Variants in JPH2 observed in about 807,000 individuals in gnomAD.
The protein encoded by JPH2 is junctophilin-2.
Under a neutral mutation model 55.9 loss-of-function variants are expected in JPH2, and 38 were observed. The ratio of observed to expected loss-of-function variants is 0.68; its 90% CI spans 0.52 to 0.89. The LOEUF is 0.89. Among genes scored for constraint, JPH2 ranks in the 40% least tolerant of loss-of-function variants. The pLI is 0.00. For synonymous variants in JPH2, 480 were observed against 472.4 expected (o/e 1.02, Z -0.21); for missense variants, 964 against 1,037.6 (o/e 0.93, Z 0.97).
rs929163748 is a variant in JPH2 at position 44,106,869 on chromosome 20, G to A, written c.*6649C>T. ...GGTGGGAATTTAAGATGAGATTTGG[G>A]TGAGAACACAGCCAAACCATATCAC... On this transcript the variant is annotated 3_prime_UTR_variant, in exon 6 of 6. Coordinates refer to ENST00000372980, the MANE Select transcript of JPH2 (RefSeq NM_020433.5). Among the ~76,000 whole-genome samples, 5 of 152,110 alleles carry A rather than the reference G, an allele frequency of 3.3e-5. No individual in the cohort carries two copies. The highest frequency in any genetic ancestry group is 1.2e-4 in the African/African-American group (5 of 41,414).
chr20:44,148,934 G>A (rs2072511412), intron 2 of JPH2, among the ~76,000 whole-genome samples: 1 of 152,048 alleles, frequency 6.6e-6, no homozygotes. Flanking sequence ...GGGTGTGGTG[G>A]TGAGCGCCCA....
intron 1 of JPH2, among the ~76,000 whole-genome samples, chr20:44,166,807 C>T (rs1443129385): frequency 3.9e-5 from 6 of 152,176 alleles, no homozygotes; most frequent in Admixed American, 6.5e-5. Context: ...TGAGAGGGGC[C>T]GTCTGCAGAA....
At chr20:44,147,399 C>T (rs565024266) in intron 2 of JPH2, among the ~76,000 whole-genome samples, 3 of 152,324 alleles carry the variant, frequency 2.0e-5, no homozygotes, top group South Asian at 2.1e-4. Context: ...CTCCACACTA[C>T]GGACTAGCAT....
chr20:44,123,838 C>T (rs1362096433), intron 2 of JPH2, among the ~76,000 whole-genome samples: 1 of 152,206 alleles, frequency 6.6e-6, no homozygotes, highest in East Asian at 1.9e-4. Flanking sequence ...GAGAGAAAAG[C>T]CAGCTCCATC....
At chr20:44,182,202 C>A (rs2072789829) in intron 1 of JPH2, among the ~76,000 whole-genome samples, 1 of 152,198 alleles carries the variant, frequency 6.6e-6, no homozygotes, top group Admixed American at 6.5e-5. Flanking sequence ...TATTTGTCCA[C>A]ATCCCCCTCA....
chr20:44,117,055 C>T (rs1198588134), intron 3 of JPH2, among the ~76,000 whole-genome samples: 1 of 152,094 alleles, frequency 6.6e-6, no homozygotes, highest in Admixed American at 6.5e-5. Flanking sequence ...CCGAGGCGCG[C>T]GGATCACAAG....
chr20:44,183,228 G>C (rs1475378480), intron 1 of JPH2, among the ~76,000 whole-genome samples: 1 of 152,228 alleles, frequency 6.6e-6, no homozygotes, highest in Admixed American at 6.5e-5. Context: ...GAGAAACTGA[G>C]GCTTGCTTTC....
chr20:44,110,662 C>T lies in JPH2; in HGVS notation c.*2856G>A, dbSNP rs1218101374. ...GCCAGGCTGGTCTCAAACTCCTGAC[C>T]TCAAGTGATCCACCTGCCTCAGCCT... On this transcript the variant is annotated 3_prime_UTR_variant, in exon 6 of 6. Transcript: ENST00000372980. 6.6e-6 allele frequency among the ~76,000 whole-genome samples: 1 copy of T among 152,126 alleles called. No individual in the cohort carries two copies. Among genetic ancestry groups the T allele is most frequent in the East Asian group, 1.9e-4 (1 of 5,198 alleles).
In JPH2 at chr20:44,132,392, A is replaced by ACACACACAC. The variant is rs1555855284; in HGVS notation, c.1170-13778_1170-13770dup. On this transcript the variant is annotated intron_variant, in intron 2 of 5. Coordinates refer to ENST00000372980, the MANE Select transcript of JPH2 (RefSeq NM_020433.5). ...CACACACACACACACACACACACAC[A>ACACACACAC]CACACACACATTTGGGCTGGTTATT... 2.7e-4 allele frequency among the ~76,000 whole-genome samples: 39 copies of ACACACACAC among 145,028 alleles called. No homozygotes were observed. The East Asian group carries it at 7.3e-3, about 27-fold the overall frequency.
intron 2 of JPH2, among the ~76,000 whole-genome samples, chr20:44,128,638 C>T (rs551922907): frequency 6.6e-6 from 1 of 151,812 alleles, no homozygotes; most frequent in African/African-American, 2.4e-5. Flanking sequence ...GGAAAATGAG[C>T]ATTTTTAAAA....
chr20:44,131,605 GCA>G (rs1487656852), intron 2 of JPH2, among the ~76,000 whole-genome samples: 2 of 152,202 alleles, frequency 1.3e-5, no homozygotes, highest in Non-Finnish European at 2.9e-5. Flanking sequence ...ACAGTGCCTT[GCA>G]CAGAGTAAGC....
intron 2 of JPH2, among the ~76,000 whole-genome samples, chr20:44,137,695 C>T (rs1303376845): frequency 6.6e-6 from 1 of 152,238 alleles, no homozygotes; most frequent in African/African-American, 2.4e-5. Flanking sequence ...GCCCCAGGCA[C>T]CGTGCCAGGT....
chr20:44,165,809 T>C (rs1233338849), intron 1 of JPH2, among the ~76,000 whole-genome samples: 1 of 152,188 alleles, frequency 6.6e-6, no homozygotes, highest in African/African-American at 2.4e-5. Flanking sequence ...TGGCTCACCC[T>C]CTTGCCGTCT....
chr20:44,150,873 T>A (rs1045194155), intron 2 of JPH2, among the ~76,000 whole-genome samples: 3 of 151,784 alleles, frequency 2.0e-5, no homozygotes, highest in South Asian at 2.1e-4. Context: ...AAATATATAT[T>A]TTTTTAATTA....
chr20:44,134,871 T>C lies in JPH2; in HGVS notation c.1170-16248A>G, dbSNP rs1293567230. ...TATTATAAATATATATATAAATATA[T>C]ATATTTATATATATATTAATATATA... On this transcript the variant is annotated intron_variant, in intron 2 of 5. Transcript: ENST00000372980. 8.3e-3 allele frequency among the ~76,000 whole-genome samples: 180 copies of C among 21,786 alleles called. 1 individual carries two copies. Among genetic ancestry groups the C allele is most frequent in the Non-Finnish European group, 0.013 (166 of 13,154 alleles). The allele number at this position is 21,786 out of a possible 152,430, so 14.3% of individuals were successfully genotyped here.
At chr20:44,185,631 T>C (rs1252008402) in intron 1 of JPH2, among the ~76,000 whole-genome samples, 1 of 128,302 alleles carries the variant, frequency 7.8e-6, no homozygotes, top group Non-Finnish European at 1.7e-5. Flanking sequence ...CGAGAACTTG[T>C]CTTGGAAAAA....
chr20:44,183,611 C>T (rs1460938028), intron 1 of JPH2, among the ~76,000 whole-genome samples: 1 of 152,200 alleles, frequency 6.6e-6, no homozygotes, highest in Non-Finnish European at 1.5e-5. Flanking sequence ...CCCCAGCTAC[C>T]CTGATCCCAG....
chr20:44,169,359 GT>G (rs2072680643), intron 1 of JPH2, among the ~76,000 whole-genome samples: 1 of 152,000 alleles, frequency 6.6e-6, no homozygotes, highest in African/African-American at 2.4e-5. Flanking sequence ...TGTAGTTTTA[GT>G]AGAGACGGGG....
At chr20:44,133,947 A>G (rs2072346262) in intron 2 of JPH2, among the ~76,000 whole-genome samples, 1 of 33,748 alleles carries the variant, frequency 3.0e-5, no homozygotes, top group African/African-American at 1.4e-4. Context: ...TATTATAAAT[A>G]TATATAAATA....
Sources: gnomAD v4.1 joint callset for allele counts (sites outside exome capture counted in the v4.1 genomes callset) on GRCh38, gnomAD v4.1.1 for gene constraint, MANE v1.5 for transcripts, NCBI Gene and HGNC (gene_info 2026-07-23, HGNC 2026-07-21) for gene names.